Variants in PDE3A observed in about 807,000 individuals in gnomAD.
The protein encoded by PDE3A is cGMP-inhibited 3',5'-cyclic phosphodiesterase 3A.
In PDE3A, 43 loss-of-function variants were observed where a neutral mutation model predicts 98.3. The ratio of observed to expected loss-of-function variants is 0.44; its 90% CI spans 0.34 to 0.56. The LOEUF (loss-of-function observed/expected upper bound fraction) is 0.56. Among genes scored for constraint, PDE3A ranks in the 20% least tolerant of loss-of-function variants. The probability of loss-of-function intolerance (pLI) is 0.01; values close to 1 mark genes in which losing one functional copy is unlikely to be tolerated. For synonymous variants in PDE3A, 663 were observed against 567.9 expected, an observed-to-expected ratio of 1.17 and a Z score of -2.38; for missense variants, 1,427 against 1,440.7, an observed-to-expected ratio of 0.99 and a Z score of 0.15.
At chr12:20,551,272 AC>A (rs1270650036) in intron 1 of PDE3A, among the ~76,000 whole-genome samples, 48 of 151,962 alleles carry the variant, frequency 3.2e-4, no homozygotes, top group African/African-American at 1.2e-3. Context: ...ATTTGTAAGA[AC>A]CCTTGATATC....
At chr12:20,450,931 T>A (rs1400714638) in intron 1 of PDE3A, among the ~76,000 whole-genome samples, 2 of 152,214 alleles carry the variant, frequency 1.3e-5, no homozygotes, top group African/African-American at 4.8e-5. Context: ...TCTGAGAACT[T>A]GTTCAAGGCA....
At chr12:20,439,190 A>G (rs747775949) in intron 1 of PDE3A, among the ~76,000 whole-genome samples, 1 of 152,174 alleles carries the variant, frequency 6.6e-6, no homozygotes, top group Non-Finnish European at 1.5e-5. Flanking sequence ...GAAAATAACA[A>G]TAGGACTTTT....
chr12:20,636,235 G>T (rs192525755), intron 8 of PDE3A, among the ~76,000 whole-genome samples: 1 of 152,170 alleles, frequency 6.6e-6, no homozygotes, highest in Non-Finnish European at 1.5e-5. Flanking sequence ...CATTTAAGGA[G>T]GATGGAAGCA....
intron 1 of PDE3A, among the ~76,000 whole-genome samples, chr12:20,405,263 T>C (rs1288336280): frequency 1.3e-5 from 2 of 152,152 alleles, no homozygotes; most frequent in African/African-American, 4.8e-5. Context: ...AGGCCTCTTA[T>C]GGTTTCTTTG....
At position 20,370,160 on chromosome 12, in the gene PDE3A, C is replaced by G; in HGVS notation, c.876C>G (p.Ser292=). ...CGGTGTTTAAGAGGAGGAGGCGGTCCAGCTCCGTCGTGTCCGCCGAGATGT... is the reference window on the plus strand; with the variant it reads ...CGGTGTTTAAGAGGAGGAGGCGGTCGAGCTCCGTCGTGTCCGCCGAGATGT... ...DIPVFKRRRR[S]SSVVSAEMSG... Residue 292 remains serine, a synonymous_variant, in exon 1 of 16, where the codon TCC becomes TCG. Coordinates refer to ENST00000359062, the MANE Select transcript of PDE3A (RefSeq NM_000921.5). 6.2e-7 allele frequency: 1 copy of G among 1,612,998 alleles called. No homozygotes were observed. The highest frequency in any genetic ancestry group is 2.2e-5 in the East Asian group (1 of 44,832).
intron 2 of PDE3A, among the ~76,000 whole-genome samples, chr12:20,570,120 CTTAAGTTA>C (rs1174536022): frequency 6.6e-6 from 1 of 152,018 alleles, no homozygotes; most frequent in Non-Finnish European, 1.5e-5. Flanking sequence ...ATTGTGCTCT[CTTAAGTTA>C]TCAACACGGT....
intron 2 of PDE3A, among the ~76,000 whole-genome samples, chr12:20,582,776 G>A (rs1943100892): frequency 6.6e-6 from 1 of 151,948 alleles, no homozygotes; most frequent in Non-Finnish European, 1.5e-5. Flanking sequence ...ATTCTTGATT[G>A]CACTCAAAAA....
chr12:20,640,663 G>A (rs1310101062), intron 10 of PDE3A, among the ~76,000 whole-genome samples: 2 of 152,036 alleles, frequency 1.3e-5, no homozygotes, highest in African/African-American at 2.4e-5. Context: ...GGAACACAGA[G>A]GAGATGTTAA....
At chr12:20,496,092 G>A (rs1274461273) in intron 1 of PDE3A, among the ~76,000 whole-genome samples, 4 of 152,146 alleles carry the variant, frequency 2.6e-5, no homozygotes, top group Non-Finnish European at 5.9e-5. Context: ...AGAATACTGT[G>A]AGAAATGGTG....
chr12:20,422,332 A>G (rs1944532468), intron 1 of PDE3A, among the ~76,000 whole-genome samples: 1 of 151,856 alleles, frequency 6.6e-6, no homozygotes, highest in Non-Finnish European at 1.5e-5. Context: ...CAACAGAGCG[A>G]GACTCTGTCT....
chr12:20,398,489 G>A (rs940445748), intron 1 of PDE3A, among the ~76,000 whole-genome samples: 6 of 151,784 alleles, frequency 4.0e-5, no homozygotes, highest in Admixed American at 2.6e-4. Flanking sequence ...GTTATAAACA[G>A]CCTCATATTT....
chr12:20,398,742 A>G (rs936999100), intron 1 of PDE3A, among the ~76,000 whole-genome samples: 3 of 152,166 alleles, frequency 2.0e-5, no homozygotes, highest in African/African-American at 7.2e-5. Flanking sequence ...TTGTTTACTC[A>G]TTCATTCCTA....
chr12:20,370,505 G>C (rs1591851483), intron 1 of PDE3A, among the ~76,000 whole-genome samples: 1 of 150,818 alleles, frequency 6.6e-6, no homozygotes, highest in South Asian at 2.1e-4. Context: ...GGCATGTGTA[G>C]GGTCTTCCAC....
chr12:20,564,651 C>T lies in PDE3A; in HGVS notation c.1011+7941C>T, dbSNP rs1942612134. Reference sequence around the variant, plus strand: ...CTGTTTCAGGGAAACTGATGGATGACCTTCAGTAAGTGACTCTTTATTACA... The same window carrying T: ...CTGTTTCAGGGAAACTGATGGATGATCTTCAGTAAGTGACTCTTTATTACA... On this transcript the variant is annotated intron_variant, in intron 2 of 15. Coordinates refer to ENST00000359062, the MANE Select transcript of PDE3A (RefSeq NM_000921.5). Among the ~76,000 whole-genome samples the T allele has an allele frequency of 6.6e-5, 10 of 152,056 alleles. No individual in the cohort carries two copies. In the South Asian group the frequency reaches 2.1e-3, roughly 31 times the overall value.
intron 2 of PDE3A, chr12:20,572,281 A>C (rs530738265): frequency 4.2e-4 from 121 of 287,824 alleles, no homozygotes; most frequent in Non-Finnish European, 6.7e-4. Context: ...AATCAAGTTT[A>C]TGATAAACTG....
chr12:20,519,575 G>T (rs1946385326), intron 1 of PDE3A, among the ~76,000 whole-genome samples: 1 of 152,162 alleles, frequency 6.6e-6, no homozygotes, highest in South Asian at 2.1e-4. Context: ...TTTGTGGAAA[G>T]TATTAATTTA....
At chr12:20,423,394 A>G (rs1944552197) in intron 1 of PDE3A, among the ~76,000 whole-genome samples, 1 of 152,138 alleles carries the variant, frequency 6.6e-6, no homozygotes, top group Non-Finnish European at 1.5e-5. Context: ...GTTTTAGTTG[A>G]CTTCTTTCTT....
At chr12:20,629,052 A>T (rs1488677925) in intron 5 of PDE3A, among the ~76,000 whole-genome samples, 1 of 152,228 alleles carries the variant, frequency 6.6e-6, no homozygotes, top group Non-Finnish European at 1.5e-5. Flanking sequence ...TAAAATCATG[A>T]AAACCAGTAA....
chr12:20,452,356 C>G (rs1305852368), intron 1 of PDE3A, among the ~76,000 whole-genome samples: 3 of 152,090 alleles, frequency 2.0e-5, no homozygotes, highest in Non-Finnish European at 4.4e-5. Context: ...TATTTTTCTC[C>G]CTTTTCTGGT....
Sources: gnomAD v4.1 joint callset for allele counts (sites outside exome capture counted in the v4.1 genomes callset) on GRCh38, gnomAD v4.1.1 for gene constraint, MANE v1.5 for transcripts, NCBI Gene and HGNC (gene_info 2026-07-23, HGNC 2026-07-21) for gene names.